FAM149A: variants seen among roughly 807,000 people sequenced by gnomAD.
The protein encoded by FAM149A is family with sequence similarity 149 member A.
A neutral mutation model predicts 78.2 loss-of-function variants in FAM149A; 71 were observed. That is an observed-to-expected ratio of 0.91 (90% CI 0.75 to 1.11). The LOEUF (loss-of-function observed/expected upper bound fraction) is 1.11. FAM149A is among the 50% of genes least tolerant of loss of function. The pLI is 0.00. For synonymous variants in FAM149A, 446 were observed against 410.5 expected (o/e 1.09, Z -1.04); for missense variants, 1,036 against 971.0 (o/e 1.07, Z -0.89).
rs1219905430 is a variant in FAM149A at position 186,153,727 on chromosome 4, A to AGACCCCC, written c.1017_1023dup (p.Leu342ThrfsTer36). ...CAGCACTCCTGCCTCCGCAGTCCAC[A>AGACCCCC]GACCCCCGCTCAGTGCCTGCGGACA... On this transcript the variant is annotated frameshift_variant, in exon 5 of 14. Coordinates refer to ENST00000389354, the MANE Select transcript of FAM149A (RefSeq NM_001367768.3). LOFTEE classifies it high-confidence loss of function. The AGACCCCC allele has an allele frequency of 3.7e-6, 6 of 1,614,056 alleles. No individual in the cohort carries two copies. The East Asian group carries it at 1.3e-4, about 36-fold the overall frequency.
intron 13 of FAM149A, among the ~76,000 whole-genome samples, chr4:186,170,384 G>A (rs1735424329): frequency 6.6e-6 from 1 of 152,224 alleles, no homozygotes; most frequent in Admixed American, 6.5e-5. Context: ...ATAACGCAGT[G>A]CCTGGTGCAT....
intron 1 of FAM149A, chr4:186,109,283 C>T (rs1192976148): frequency 1.2e-6 from 1 of 802,936 alleles, no homozygotes; most frequent in Non-Finnish European, 1.5e-6. Context: ...TTGTATAAGT[C>T]ATAGTTATTA....
At chr4:186,162,767 G>A (rs1454004032) in intron 8 of FAM149A, 78 bp from the exon 9 acceptor site, 17 of 736,876 alleles carry the variant, frequency 2.3e-5, no homozygotes, top group African/African-American at 1.1e-4. Context: ...TGCTGATTTC[G>A]GACAAGCATC....
At chr4:186,166,340 C>T (rs1579932946) in intron 11 of FAM149A, among the ~76,000 whole-genome samples, 1 of 152,180 alleles carries the variant, frequency 6.6e-6, no homozygotes, top group African/African-American at 2.4e-5. Context: ...TCATGTTTAA[C>T]CTTAGAATAA....
intron 1 of FAM149A, among the ~76,000 whole-genome samples, chr4:186,124,571 T>C (rs181328536): frequency 7.5e-4 from 114 of 152,212 alleles, no homozygotes; most frequent in African/African-American, 2.6e-3. Context: ...GCGTCATCCA[T>C]GTCCCTACAA....
intron 6 of FAM149A, among the ~76,000 whole-genome samples, chr4:186,155,442 G>C (rs1314786517): frequency 6.6e-6 from 1 of 151,984 alleles, no homozygotes; most frequent in Admixed American, 6.6e-5. Context: ...TCAATAACAG[G>C]AAGAAAACTA....
chr4:186,119,663 G>A (rs2099315153), intron 1 of FAM149A, among the ~76,000 whole-genome samples: 2 of 152,170 alleles, frequency 1.3e-5, no homozygotes, highest in South Asian at 4.1e-4. Flanking sequence ...CAGTCATGAG[G>A]ATGAGGACAC....
chr4:186,128,781 C>A (rs536489856), intron 1 of FAM149A, among the ~76,000 whole-genome samples: 1 of 152,092 alleles, frequency 6.6e-6, no homozygotes, highest in East Asian at 1.9e-4. Flanking sequence ...CATTGTATGT[C>A]TGTGTGTGTA....
intron 1 of FAM149A, among the ~76,000 whole-genome samples, chr4:186,111,668 CT>C (rs1403417223): frequency 6.6e-6 from 1 of 150,872 alleles, no homozygotes; most frequent in African/African-American, 2.4e-5. Context: ...TTCCCCATTG[CT>C]TGTTTTTCTC....
intron 1 of FAM149A, among the ~76,000 whole-genome samples, chr4:186,140,720 T>C (rs563236762): frequency 4.6e-5 from 7 of 152,188 alleles, no homozygotes; most frequent in Non-Finnish European, 1.0e-4. Context: ...AACAATAAGA[T>C]AGAAATAGTT....
intron 3 of FAM149A, among the ~76,000 whole-genome samples, chr4:186,150,443 G>T (rs1459491347): frequency 6.2e-4 from 64 of 103,900 alleles, no homozygotes; most frequent in African/African-American, 2.3e-3. Flanking sequence ...TTTTTGAGAC[G>T]GAGTCTCGCT....
intron 1 of FAM149A, chr4:186,116,845 C>CA: frequency 1.2e-6 from 1 of 802,710 alleles, no homozygotes; most frequent in Non-Finnish European, 1.5e-6. Flanking sequence ...ACAAGCATGG[C>CA]CCTTGTGCCA....
Position 186,144,804 on chromosome 4 carries a change from A to G in FAM149A, c.567-4369A>G. The G allele has an allele frequency of 4.1e-6, 4 of 976,052 alleles. No homozygotes were observed. Among genetic ancestry groups the G allele is most frequent in the Non-Finnish European group, 4.9e-6 (4 of 823,640 alleles). 60.5% of individuals were successfully genotyped at this position (976,052 alleles called of 1,614,324 possible). The stretch of plus-strand genomic sequence containing the variant: ...TAGCTGGCGGGCGAGGGCGCAGCGC[A>G]GGGAGGAGGAGGGGAGGCGGCGCCG... On this transcript the variant is annotated intron_variant, in intron 1 of 13. Coordinates refer to ENST00000389354, the MANE Select transcript of FAM149A (RefSeq NM_001367768.3). The surrounding 1 kb of genome is among the most constrained non-coding windows in gnomAD (Gnocchi z 4.2).
chr4:186,154,597 T>C lies in FAM149A; in HGVS notation c.1188T>C (p.Asp396=), dbSNP rs55769232. The C allele has an allele frequency of 3.0e-3, 4,795 of 1,614,138 alleles. 29 individuals carry two copies. The highest frequency in any genetic ancestry group is 0.018 in the Middle Eastern group (111 of 6,062). Residue 396 remains aspartate (D), a synonymous_variant, in exon 6 of 14, where the codon GAT becomes GAC. Transcript: ENST00000389354. ...TGGAAGAAGAGGTTTACCATGTGGA[T>C]GGAAAGATTGAGGAGTATTTCGCTT...
chr4:186,167,550 T>TGA, intron 13 of FAM149A: 1 of 450,544 alleles, frequency 2.2e-6, no homozygotes, highest in Admixed American at 3.4e-5. Context: ...TTAGGAGCAG[T>TGA]GAGTACCTCT....
chr4:186,116,387 G>A (rs1336933511), intron 1 of FAM149A: 1 of 807,992 alleles, frequency 1.2e-6, no homozygotes, highest in African/African-American at 1.9e-5. Context: ...GTAGACCGGA[G>A]CTGTTCCTAT....
In FAM149A at chr4:186,136,958, CTCTCTTTCTCTCTCTCTT is replaced by C. The variant is rs770918692; in HGVS notation, c.567-12209_567-12192del. On this transcript the variant is annotated intron_variant, in intron 1 of 13. Coordinates refer to ENST00000389354, the MANE Select transcript of FAM149A (RefSeq NM_001367768.3). The stretch of plus-strand genomic sequence containing the variant: ...TTGATCTCTCTCTCTCTCTCTCTCT[CTCTCTTTCTCTCTCTCTT>C]TCTCTCTCTCTCTCTCTCTCTCTCT... Among the ~76,000 whole-genome samples, 96 of 103,174 alleles carry C rather than the reference CTCTCTTTCTCTCTCTCTT, an allele frequency of 9.3e-4. 2 individuals are homozygous for C. The highest frequency in any genetic ancestry group is 2.5e-3 in the African/African-American group (57 of 22,884). 67.7% of individuals were successfully genotyped at this position (103,174 alleles called of 152,430 possible).
At chr4:186,125,369 T>G in intron 1 of FAM149A, 2 of 978,122 alleles carry the variant, frequency 2.0e-6, no homozygotes, top group Non-Finnish European at 2.4e-6. Context: ...CCTGCGGAGG[T>G]CTCTTGATGA....
chr4:186,152,365 C>CT (rs1475767018), intron 4 of FAM149A, among the ~76,000 whole-genome samples: 1 of 152,132 alleles, frequency 6.6e-6, no homozygotes, highest in Non-Finnish European at 1.5e-5. Context: ...CAGCACATGT[C>CT]TGTCTTCATC....
Sources: allele counts gnomAD v4.1 joint callset (sites outside exome capture counted in the v4.1 genomes callset), GRCh38; gene constraint gnomAD v4.1.1; non-coding constraint Gnocchi (gnomAD v3.1); transcripts MANE v1.5; gene names NCBI Gene and HGNC (gene_info 2026-07-23, HGNC 2026-07-21).